CNTN5: variants seen among roughly 807,000 people sequenced by gnomAD.
CNTN5 encodes the protein contactin-5.
CNTN5 carries 77 observed loss-of-function variants against 129.1 expected under a neutral mutation model. That is an observed-to-expected ratio of 0.60 (90% CI 0.50 to 0.72). The LOEUF (loss-of-function observed/expected upper bound fraction) is 0.72, where lower values mean the gene tolerates loss of function less well. Ranked by LOEUF, CNTN5 falls within the 30% of genes least tolerant of loss-of-function variation. The probability of loss-of-function intolerance (pLI) is 0.00; values close to 1 mark genes in which losing one functional copy is unlikely to be tolerated. For missense variants in CNTN5, 1,478 were observed against 1,328.8 expected (o/e 1.11, Z -1.75); for synonymous variants, 509 against 465.6 (o/e 1.09, Z -1.20).
intron 6 of CNTN5, among the ~76,000 whole-genome samples, chr11:99,910,867 T>G (rs1434053860): frequency 6.6e-6 from 1 of 152,074 alleles, no homozygotes; most frequent in Non-Finnish European, 1.5e-5. Context: ...GCAAAAAAAT[T>G]TACAGTGACC....
chr11:99,841,385 T>C (rs1029045305), intron 4 of CNTN5, among the ~76,000 whole-genome samples: 38 of 152,290 alleles, frequency 2.5e-4, no homozygotes, highest in African/African-American at 8.7e-4. Context: ...ACATAAAATT[T>C]GGAACCAGAG....
chr11:99,223,920 C>A (rs551362706), intron 1 of CNTN5, among the ~76,000 whole-genome samples: 2 of 152,280 alleles, frequency 1.3e-5, no homozygotes, highest in East Asian at 3.9e-4. Context: ...CTTAACCATT[C>A]ATTATAGGAC....
intron 9 of CNTN5, among the ~76,000 whole-genome samples, chr11:100,050,805 C>G (rs1000882906): frequency 4.0e-5 from 6 of 151,868 alleles, no homozygotes; most frequent in African/African-American, 1.5e-4. Context: ...ATCTTAATAT[C>G]AAAGTATAAT....
chr11:99,727,198 C>T (rs1036785758), intron 3 of CNTN5, among the ~76,000 whole-genome samples: 7 of 146,400 alleles, frequency 4.8e-5, no homozygotes, highest in Middle Eastern at 3.5e-3. Flanking sequence ...CCCAGCTACT[C>T]GGGAGGCTGA....
In CNTN5 at chr11:100,298,290, AT is replaced by A. The variant is rs955423319; in HGVS notation, c.2385+603del. ...ATTCCATGAGCACATAATCTGTCCT[AT>A]TTTTTTTGTCCATTCCCCCTTTTCT... On this transcript the variant is annotated intron_variant, in intron 19 of 24. Transcript: ENST00000524871. Among the ~76,000 whole-genome samples, 14 of 151,024 alleles carry A rather than the reference AT, an allele frequency of 9.3e-5. 1 individual carries two copies. Among genetic ancestry groups the A allele is most frequent in the African/African-American group, 3.1e-4 (13 of 41,278 alleles).
chr11:99,937,991 C>T (rs1467339810), intron 7 of CNTN5, among the ~76,000 whole-genome samples: 1 of 152,188 alleles, frequency 6.6e-6, no homozygotes, highest in South Asian at 2.1e-4. Flanking sequence ...TTATTAAATA[C>T]ATATCCTGCT....
At chr11:99,788,235 C>T (rs1429577740) in intron 3 of CNTN5, among the ~76,000 whole-genome samples, 1 of 151,888 alleles carries the variant, frequency 6.6e-6, no homozygotes, top group African/African-American at 2.4e-5. Context: ...TGAATTCCTC[C>T]ATTAATGAAT....
At chr11:100,038,327 G>A (rs1431553764) in intron 9 of CNTN5, among the ~76,000 whole-genome samples, 2 of 152,208 alleles carry the variant, frequency 1.3e-5, no homozygotes, top group Non-Finnish European at 2.9e-5. Context: ...ACTATGGTCT[G>A]AGAGACAGTT....
chr11:99,963,561 C>A (rs182750409), intron 8 of CNTN5, among the ~76,000 whole-genome samples: 18 of 152,188 alleles, frequency 1.2e-4, no homozygotes, highest in South Asian at 6.2e-4. Flanking sequence ...GTTACTGTAA[C>A]CTTGTGGTAT....
chr11:99,469,352 T>C (rs2135268263), intron 2 of CNTN5, among the ~76,000 whole-genome samples: 1 of 152,302 alleles, frequency 6.6e-6, no homozygotes, highest in African/African-American at 2.4e-5. Flanking sequence ...ATTTCTATCC[T>C]GTTTCAAAAT....
chr11:99,096,019 TTGTC>T (rs1271090630), intron 1 of CNTN5, among the ~76,000 whole-genome samples: 4 of 151,954 alleles, frequency 2.6e-5, no homozygotes, highest in Non-Finnish European at 5.9e-5. Flanking sequence ...AATATTTAAA[TTGTC>T]TGTAATTTAC....
intron 2 of CNTN5, among the ~76,000 whole-genome samples, chr11:99,526,662 G>A (rs766183442): frequency 1.3e-5 from 2 of 152,120 alleles, no homozygotes; most frequent in African/African-American, 4.8e-5. Flanking sequence ...GCAAGTCAGT[G>A]GATACTTAGT....
At chr11:99,233,626 T>G (rs1201702273) in intron 1 of CNTN5, among the ~76,000 whole-genome samples, 1 of 152,188 alleles carries the variant, frequency 6.6e-6, no homozygotes, top group South Asian at 2.1e-4. Context: ...AAAATATACA[T>G]TTAAATTTTA....
chr11:99,413,456 T>C (rs1023624244), intron 2 of CNTN5, among the ~76,000 whole-genome samples: 10 of 151,944 alleles, frequency 6.6e-5, no homozygotes, highest in South Asian at 2.1e-4. Flanking sequence ...CTGTCTCTAC[T>C]AAAAATACAA....
At chr11:99,268,278 G>A (rs1175569494) in intron 1 of CNTN5, among the ~76,000 whole-genome samples, 3 of 151,922 alleles carry the variant, frequency 2.0e-5, no homozygotes, top group African/African-American at 7.2e-5. Context: ...TAGAACCAAT[G>A]AGTTGGAGAA....
intron 3 of CNTN5, among the ~76,000 whole-genome samples, chr11:99,790,636 C>T (rs941852117): frequency 6.6e-6 from 1 of 152,166 alleles, no homozygotes; most frequent in Admixed American, 6.5e-5. Context: ...TGAATATACA[C>T]ATGCATGTGT....
At chr11:100,238,389 A>G (rs1476606018) in intron 16 of CNTN5, among the ~76,000 whole-genome samples, 1 of 140,564 alleles carries the variant, frequency 7.1e-6, no homozygotes, top group African/African-American at 2.7e-5. Context: ...CCTCTTTTGG[A>G]CTTAATCTCC....
intron 1 of CNTN5, among the ~76,000 whole-genome samples, chr11:99,046,774 A>G (rs931641858): frequency 6.6e-6 from 1 of 152,160 alleles, no homozygotes; most frequent in African/African-American, 2.4e-5. Context: ...TAATAATGCA[A>G]TATTGCAAAT....
chr11:100,199,656 C>T (rs915051983), intron 15 of CNTN5, among the ~76,000 whole-genome samples: 21 of 151,890 alleles, frequency 1.4e-4, no homozygotes, highest in African/African-American at 4.8e-4. Context: ...TGTCTCCACT[C>T]ACTGTCTTCT....
Sources: allele counts gnomAD v4.1 joint callset (sites outside exome capture counted in the v4.1 genomes callset), GRCh38; gene constraint gnomAD v4.1.1; transcripts MANE v1.5; gene names NCBI Gene and HGNC (gene_info 2026-07-23, HGNC 2026-07-21).